OXSR1: variants seen among roughly 807,000 people sequenced by gnomAD.
OXSR1 encodes the protein serine/threonine-protein kinase OSR1.
In OXSR1, 24 loss-of-function variants were observed where a neutral mutation model predicts 79.8. The ratio of observed to expected loss-of-function variants is 0.30; its 90% confidence interval spans 0.22 to 0.42. The LOEUF is 0.42. Ranked by LOEUF, OXSR1 falls within the 10% of genes least tolerant of loss-of-function variation. OXSR1 has a pLI of 1.00. For synonymous variants in OXSR1, 226 were observed against 209.2 expected, an observed-to-expected ratio of 1.08 and a Z score of -0.69; for missense variants, 430 against 618.4, an observed-to-expected ratio of 0.70 and a Z score of 3.23.
At chr3:38,207,749 G>T (rs1702294956) in intron 4 of OXSR1, among the ~76,000 whole-genome samples, 1 of 152,112 alleles carries the variant, frequency 6.6e-6, no homozygotes, top group African/African-American at 2.4e-5. Context: ...GCATCACAGT[G>T]GCTAGAACTT....
chr3:38,221,505 C>T, intron 5 of OXSR1, 73 bp from the exon 6 acceptor site: 1 of 806,708 alleles, frequency 1.2e-6, no homozygotes, highest in Non-Finnish European at 2.1e-6. Context: ...ATGTTCACTA[C>T]ATTGTATTGT....
rs1242806590 is a variant in OXSR1 at position 38,253,728 on chromosome 3, T to C, written c.*837T>C. 6.4e-6 allele frequency: 1 copy of C among 155,654 alleles called. No homozygotes were observed. Among genetic ancestry groups the C allele is most frequent in the Non-Finnish European group, 1.4e-5 (1 of 70,256 alleles). The allele number at this position is 155,654 out of a possible 1,614,324, so 9.6% of individuals were successfully genotyped here. A position where few individuals can be genotyped will look rare whatever the true frequency, so the allele number is the denominator to read the frequency against. ...CATTGGAGAAGTATTTATTTTCAAATATCAAATTGAAGAAAAACTCAATCC... is the reference window on the plus strand; with the variant it reads ...CATTGGAGAAGTATTTATTTTCAAACATCAAATTGAAGAAAAACTCAATCC... On this transcript the variant is annotated 3_prime_UTR_variant, in exon 18 of 18. Transcript: ENST00000311806.
At chr3:38,246,591 T>C (rs1242569194) in intron 13 of OXSR1, among the ~76,000 whole-genome samples, 1 of 152,242 alleles carries the variant, frequency 6.6e-6, no homozygotes, top group East Asian at 1.9e-4. Flanking sequence ...CTCAGGCTTA[T>C]ACTTTTTATT....
intron 1 of OXSR1, among the ~76,000 whole-genome samples, chr3:38,180,144 A>G (rs1031512248): frequency 2.0e-5 from 3 of 152,062 alleles, no homozygotes; most frequent in African/African-American, 4.8e-5. Flanking sequence ...GGGTTTCTCC[A>G]TGTTGGCCAG....
chr3:38,249,299 A>G (rs1362520692), intron 14 of OXSR1, among the ~76,000 whole-genome samples: 2 of 152,124 alleles, frequency 1.3e-5, no homozygotes, highest in South Asian at 4.1e-4. Context: ...GCATGGTGTG[A>G]TCATCACTGT....
chr3:38,212,148 C>T (rs529308046), intron 4 of OXSR1, among the ~76,000 whole-genome samples: 1 of 152,080 alleles, frequency 6.6e-6, no homozygotes, highest in Non-Finnish European at 1.5e-5. Context: ...AATATGCAGC[C>T]AAGTCTGAGA....
At chr3:38,230,608 G>T in intron 10 of OXSR1, 178 bp downstream of exon 10, 1 of 541,220 alleles carries the variant, frequency 1.8e-6, no homozygotes, top group South Asian at 2.2e-5. Flanking sequence ...CATATGCCTT[G>T]GTATTACTCT....
At chr3:38,215,082 A>T (rs376827972) in intron 4 of OXSR1, among the ~76,000 whole-genome samples, 1 of 152,180 alleles carries the variant, frequency 6.6e-6, no homozygotes, top group African/African-American at 2.4e-5. Flanking sequence ...CTAGACTTCA[A>T]TTCCATTAAT....
intron 1 of OXSR1, among the ~76,000 whole-genome samples, chr3:38,176,615 T>G (rs1030023733): frequency 6.6e-6 from 1 of 152,236 alleles, no homozygotes; most frequent in Admixed American, 6.5e-5. Flanking sequence ...ATAGAAGAAC[T>G]GGAGCCTGCA....
chr3:38,248,154 C>T (rs757838186), intron 14 of OXSR1, among the ~76,000 whole-genome samples: 1 of 151,924 alleles, frequency 6.6e-6, no homozygotes, highest in Non-Finnish European at 1.5e-5. Flanking sequence ...TGTGGTAGAT[C>T]AAATAAAGGC....
At chr3:38,252,643 G>C (rs920297439) in intron 17 of OXSR1, among the ~76,000 whole-genome samples, 174 bp from the exon 18 acceptor site, 1 of 152,066 alleles carries the variant, frequency 6.6e-6, no homozygotes, top group Non-Finnish European at 1.5e-5. Flanking sequence ...TCTGACTCTA[G>C]CTGTTTACCC....
At chr3:38,237,026 C>G (rs1702932994) in intron 11 of OXSR1, 65 bp downstream of exon 11, 1 of 1,404,116 alleles carries the variant, frequency 7.1e-7, no homozygotes, top group Non-Finnish European at 9.7e-7. Context: ...GCTTAACCAG[C>G]TAAAATATAA....
At chr3:38,240,858 C>T (rs1280575003) in intron 11 of OXSR1, among the ~76,000 whole-genome samples, 1 of 152,042 alleles carries the variant, frequency 6.6e-6, no homozygotes, top group African/African-American at 2.4e-5. Flanking sequence ...ATAACAAATA[C>T]ATATATAAAC....
At chr3:38,232,667 GGA>G (rs1282482531) in intron 10 of OXSR1, among the ~76,000 whole-genome samples, 1 of 152,092 alleles carries the variant, frequency 6.6e-6, no homozygotes, top group Admixed American at 6.5e-5. Context: ...GGCTGAGGTG[GGA>G]GGATTGTTTG....
chr3:38,222,602 C>T (rs1444988859), intron 6 of OXSR1, among the ~76,000 whole-genome samples: 1 of 152,132 alleles, frequency 6.6e-6, no homozygotes, highest in East Asian at 1.9e-4. Flanking sequence ...ACACACTCCC[C>T]AAACCTATTT....
chr3:38,251,756 T>C (rs1703261350), intron 16 of OXSR1, among the ~76,000 whole-genome samples: 1 of 152,184 alleles, frequency 6.6e-6, no homozygotes, highest in African/African-American at 2.4e-5. Context: ...AGCTTGGCCA[T>C]ATCTGATCTG....
rs536587722 is a variant in OXSR1, at chr3:38,221,309, G to A, written c.491-269G>A. Among the ~76,000 whole-genome samples the A allele has an allele frequency of 2.0e-5, 3 of 152,108 alleles. No individual in the cohort carries two copies. The East Asian group carries it at 5.8e-4, about 29-fold the overall frequency. On this transcript the variant is annotated intron_variant, in intron 5 of 17. Transcript: ENST00000311806. ...TTTGTTTTTTTTGTTTTGTAAAGAT[G>A]AGGTCTCCCTATGTTGCTTAGGCTG...
At chr3:38,168,913 A>G (rs1314828620) in intron 1 of OXSR1, among the ~76,000 whole-genome samples, 5 of 152,332 alleles carry the variant, frequency 3.3e-5, no homozygotes, top group Admixed American at 3.3e-4. Context: ...GTTTGGAACA[A>G]GGCTGCTTTG....
chr3:38,183,263 A>G, intron 2 of OXSR1, 148 bp downstream of exon 2: 1 of 426,734 alleles, frequency 2.3e-6, no homozygotes. Context: ...AAAATTTATA[A>G]AGTCTGGATA....
Sources: allele counts gnomAD v4.1 joint callset (sites outside exome capture counted in the v4.1 genomes callset), GRCh38; gene constraint gnomAD v4.1.1; transcripts MANE v1.5; gene names NCBI Gene and HGNC (gene_info 2026-07-23, HGNC 2026-07-21).